The following IGSF21 variants were observed in gnomAD, a reference collection of about 807,000 sequenced individuals.
The protein encoded by IGSF21 is immunoglobulin superfamily member 21.
Under a neutral mutation model 46.8 loss-of-function variants are expected in IGSF21, and 28 were observed. The observed-to-expected ratio is 0.60, with a 90% confidence interval of 0.44 to 0.82. The LOEUF (loss-of-function observed/expected upper bound fraction) is 0.82. Ranked by LOEUF, IGSF21 falls within the 40% of genes least tolerant of loss-of-function variation. The pLI is 0.00. For synonymous variants in IGSF21, 284 were observed against 273.6 expected, an observed-to-expected ratio of 1.04 and a Z score of -0.38; for missense variants, 624 against 665.5, an observed-to-expected ratio of 0.94 and a Z score of 0.69.
intron 2 of IGSF21, among the ~76,000 whole-genome samples, chr1:18,276,048 T>C (rs994199118): frequency 6.6e-6 from 1 of 152,178 alleles, no homozygotes; most frequent in African/African-American, 2.4e-5. Flanking sequence ...TCAAGGAATA[T>C]CTGTTTCCTG....
chr1:18,282,648 ACAC>A (rs2085173082), intron 2 of IGSF21, among the ~76,000 whole-genome samples: 1 of 151,550 alleles, frequency 6.6e-6, no homozygotes, highest in African/African-American at 2.4e-5. Flanking sequence ...ACACACACAC[ACAC>A]ACACACACAC....
intron 4 of IGSF21, among the ~76,000 whole-genome samples, chr1:18,346,079 C>T (rs189944895): frequency 1.2e-4 from 18 of 152,294 alleles, no homozygotes; most frequent in Middle Eastern, 6.8e-3. Flanking sequence ...GAAAGCTGTT[C>T]TTACTTCCTA....
At chr1:18,236,060 T>A (rs1024368589) in intron 2 of IGSF21, among the ~76,000 whole-genome samples, 4 of 152,192 alleles carry the variant, frequency 2.6e-5, no homozygotes, top group Admixed American at 6.5e-5. Context: ...AGCAGTGCTA[T>A]TTAATGAGAC....
intron 1 of IGSF21, among the ~76,000 whole-genome samples, chr1:18,226,762 C>A (rs1168336109): frequency 6.6e-6 from 1 of 152,236 alleles, no homozygotes; most frequent in Non-Finnish European, 1.5e-5. Context: ...CAATTGAAAT[C>A]TTCGAACCCA....
At chr1:18,131,301 A>G (rs1208551685) in intron 1 of IGSF21, among the ~76,000 whole-genome samples, 1 of 152,182 alleles carries the variant, frequency 6.6e-6, no homozygotes, top group Non-Finnish European at 1.5e-5. Context: ...GTTGATGAAG[A>G]CATCGCTTTT....
chr1:18,328,665 T>C (rs762994536), intron 3 of IGSF21, among the ~76,000 whole-genome samples: 1 of 152,224 alleles, frequency 6.6e-6, no homozygotes, highest in Non-Finnish European at 1.5e-5. Flanking sequence ...CTGTTGTAAG[T>C]GCACTGGTAT....
intron 1 of IGSF21, among the ~76,000 whole-genome samples, chr1:18,127,283 G>A (rs1226133423): frequency 6.6e-6 from 1 of 152,238 alleles, no homozygotes; most frequent in African/African-American, 2.4e-5. Flanking sequence ...GTGGAGCTAT[G>A]TGAGGGGAGT....
At chr1:18,301,004 G>A (rs1171876828) in intron 3 of IGSF21, among the ~76,000 whole-genome samples, 1 of 152,190 alleles carries the variant, frequency 6.6e-6, no homozygotes, top group Non-Finnish European at 1.5e-5. Context: ...GTAAAGATTT[G>A]TCGAATCAAT....
intron 2 of IGSF21, among the ~76,000 whole-genome samples, chr1:18,231,917 T>G (rs921065378): frequency 1.1e-5 from 1 of 94,466 alleles, no homozygotes; most frequent in Admixed American, 1.2e-4. Flanking sequence ...CTGACATCAT[T>G]AGATCGTGTG....
At chr1:18,110,285 G>A (rs1280020042) in intron 1 of IGSF21, 2 of 152,322 alleles carry the variant, frequency 1.3e-5, no homozygotes, top group East Asian at 3.9e-4. Context: ...CTTCTCCGCA[G>A]AGGAGAGCAC....
intron 3 of IGSF21, among the ~76,000 whole-genome samples, chr1:18,332,762 C>T (rs1299991403): frequency 6.6e-6 from 1 of 152,132 alleles, no homozygotes; most frequent in African/African-American, 2.4e-5. Context: ...AGTCGGTAGA[C>T]CAGATGTCAA....
At chr1:18,306,552 C>A (rs895573796) in intron 3 of IGSF21, among the ~76,000 whole-genome samples, 22 of 152,154 alleles carry the variant, frequency 1.4e-4, no homozygotes, top group African/African-American at 4.6e-4. Context: ...AAGACTTGGT[C>A]CCCCTGCCCC....
intron 1 of IGSF21, among the ~76,000 whole-genome samples, chr1:18,211,333 A>G (rs2084389405): frequency 6.6e-6 from 1 of 152,172 alleles, no homozygotes; most frequent in Non-Finnish European, 1.5e-5. Flanking sequence ...CAGTGGGAAA[A>G]CCCTGTCACC....
intron 1 of IGSF21, among the ~76,000 whole-genome samples, chr1:18,212,371 A>C (rs2084401614): frequency 1.3e-5 from 2 of 152,192 alleles, no homozygotes; most frequent in African/African-American, 2.4e-5. Flanking sequence ...ATCTCTCAGC[A>C]CTAGTGGTCC....
At chr1:18,144,399 C>A (rs867781991) in intron 1 of IGSF21, among the ~76,000 whole-genome samples, 9 of 152,232 alleles carry the variant, frequency 5.9e-5, no homozygotes, top group African/African-American at 2.2e-4. Context: ...AGAGGTAGGG[C>A]TACCCCTAGT....
intron 3 of IGSF21, among the ~76,000 whole-genome samples, chr1:18,303,631 A>G (rs2085383245): frequency 6.6e-6 from 1 of 152,214 alleles, no homozygotes. Context: ...AAGCACCTCA[A>G]GTAAGGGCTT....
At chr1:18,372,515 AGGATGGATGGATGGAT>A (rs55650912) in intron 6 of IGSF21, among the ~76,000 whole-genome samples, 2 of 139,936 alleles carry the variant, frequency 1.4e-5, no homozygotes, top group African/African-American at 2.7e-5. Flanking sequence ...GATGGATGGA[AGGATGGATGGATGGAT>A]GGATGGATGG....
At chr1:18,139,608 C>T (rs1405001916) in intron 1 of IGSF21, among the ~76,000 whole-genome samples, 1 of 152,214 alleles carries the variant, frequency 6.6e-6, no homozygotes, top group Admixed American at 6.5e-5. Context: ...TGGTCAAAGG[C>T]TCTGGGACAG....
chr1:18,303,356 G>A (rs1325780475), intron 3 of IGSF21, among the ~76,000 whole-genome samples: 1 of 152,162 alleles, frequency 6.6e-6, no homozygotes, highest in South Asian at 2.1e-4. Flanking sequence ...CACAAGAGCT[G>A]AGAGCTCCCC....
Sources: gnomAD v4.1 joint callset for allele counts (sites outside exome capture counted in the v4.1 genomes callset) on GRCh38, gnomAD v4.1.1 for gene constraint, MANE v1.5 for transcripts, NCBI Gene and HGNC (gene_info 2026-07-23, HGNC 2026-07-21) for gene names.